Variants in GABRQ observed in about 807,000 individuals in gnomAD.
The protein encoded by GABRQ is gamma-aminobutyric acid type A receptor subunit theta, also known as gamma-aminobutyric acid receptor subunit theta.
In GABRQ, 19 loss-of-function variants were observed where a neutral mutation model predicts 30.5. That is an observed-to-expected ratio of 0.62 (90% CI 0.43 to 0.91). The LOEUF (loss-of-function observed/expected upper bound fraction) is 0.91, where lower values mean the gene tolerates loss of function less well. Among genes scored for constraint, GABRQ ranks in the 40% least tolerant of loss-of-function variants. GABRQ has a pLI of 0.00. For synonymous variants in GABRQ, 187 were observed against 210.2 expected (o/e 0.89, Z 0.95); for missense variants, 520 against 521.4 (o/e 1.00, Z 0.03).
At chrX:152,639,275 TA>T (rs374076439) in intron 1 of GABRQ, among the ~76,000 whole-genome samples, 2 of 75,787 alleles carry the variant, frequency 2.6e-5, no homozygotes, top group East Asian at 5.2e-4. Context: ...CATGTACTCA[TA>T]AAGGGGGGGG....
Position 152,655,146 on chromosome X carries a change from C to A in GABRQ, c.*1865C>A, listed in dbSNP as rs942643159. On this transcript the variant is annotated 3_prime_UTR_variant, in exon 9 of 9. Transcript: ENST00000598523. ...TTTGAATGGGTGTGAAAGGAAATAC[C>A]CCTGAAAGCATATGTATTCCCTGTT... The A allele has an allele frequency of 3.6e-5, 4 of 112,377 alleles. No individual in the cohort carries two copies. Among genetic ancestry groups the A allele is most frequent in the African/African-American group, 1.3e-4 (4 of 30,889 alleles). The allele number at this position is 112,377 out of a possible 1,213,427, so 9.3% of individuals were successfully genotyped here.
chrX:152,647,053 T>C lies in GABRQ; in HGVS notation c.412T>C (p.Leu138=). The C allele has an allele frequency of 1.7e-6, 2 of 1,206,090 alleles. No homozygotes were observed. The highest frequency in any genetic ancestry group is 2.2e-6 in the Non-Finnish European group (2 of 890,400). The change falls in exon 4 of 9, where the codon TTG becomes CTG. Residue 138 remains leucine, a synonymous_variant. Transcript: ENST00000598523. ...LTLDYRMHEK[L]WVPDCYFLNS... is the part of the protein sequence containing the mutation. The stretch of plus-strand genomic sequence containing the variant: ...CCTGGACTATCGGATGCATGAGAAG[T>C]TGTGGGTCCCTGACTGCTACTTTCT...
chrX:152,645,142 AACAC>A (rs1173871460), intron 2 of GABRQ, among the ~76,000 whole-genome samples: 3 of 111,873 alleles, frequency 2.7e-5, no homozygotes, highest in Admixed American at 9.4e-5. Context: ...TGCTCCCACA[AACAC>A]ACACATTCAC....
chrX:152,657,786 C>T (rs1438783352), downstream of GABRQ, among the ~76,000 whole-genome samples: 5 of 112,488 alleles, frequency 4.4e-5, no homozygotes, highest in African/African-American at 1.6e-4. Flanking sequence ...TAAAACAAAA[C>T]TTTTAAAACA....
At chrX:152,658,824 T>G (rs1556821441), downstream of GABRQ, among the ~76,000 whole-genome samples, 2 of 111,866 alleles carry the variant, frequency 1.8e-5, no homozygotes, top group South Asian at 7.7e-4. Context: ...CTCTTGTTAC[T>G]CTAGGTTGGT....
Position 152,657,018 on chromosome X carries a change from A to C in GABRQ, c.*3737A>C, listed in dbSNP as rs1967072657. ...TGAAATAGCCCAGTTGTTCAGGGTC[A>C]CTTCTATTGACTCAATTTGTGTGAG... On this transcript the variant is annotated 3_prime_UTR_variant, in exon 9 of 9. Coordinates refer to ENST00000598523, the MANE Select transcript of GABRQ (RefSeq NM_018558.4). 1 of 111,684 alleles carries C rather than the reference A, an allele frequency of 9.0e-6. No individual in the cohort carries two copies. Among genetic ancestry groups the C allele is most frequent in the Non-Finnish European group, 1.9e-5 (1 of 53,172 alleles). 9.2% of individuals were successfully genotyped at this position (111,684 alleles called of 1,213,427 possible).
intron 7 of GABRQ, 96 bp from the exon 8 acceptor site, chrX:152,651,430 C>A: frequency 1.4e-6 from 1 of 693,722 alleles, no homozygotes; most frequent in Non-Finnish European, 2.2e-6. Flanking sequence ...TTGCTGTGGG[C>A]CCTCCTCACC....
rs1162598067 is a variant in GABRQ at position 152,653,431 on chromosome X, G to A, written c.*150G>A. 3 of 449,426 alleles carry A rather than the reference G, an allele frequency of 6.7e-6. No homozygotes were observed. In the African/African-American group the frequency reaches 7.3e-5, roughly 11 times the overall value. The allele number at this position is 449,426 out of a possible 1,213,427, so 37.0% of individuals were successfully genotyped here. A position where few individuals can be genotyped will look rare whatever the true frequency, so the allele number is the denominator to read the frequency against. The stretch of plus-strand genomic sequence containing the variant: ...ATACTTCTCTTTATAAACATGAGGT[G>A]GGGAGTAATTGGAAAGAACATGTTC... On this transcript the variant is annotated 3_prime_UTR_variant, in exon 9 of 9. Transcript: ENST00000598523.
rs1556820609 is a variant in GABRQ at position 152,653,064 on chromosome X, A to T, written c.1682A>T (p.Asn561Ile). The stretch of plus-strand genomic sequence containing the variant: ...GATACTAACAGTACCTGGGGCCTTA[A>T]TGATGATGAGCTCATGGCCCATGGC... ...KCDTNSTWGL[N>I]DDELMAHGQE... The change falls in exon 9 of 9, where the codon AAT (asparagine) becomes ATT (isoleucine). Residue 561 changes from asparagine to isoleucine, a missense_variant. Asn to Ile is a moderately radical substitution (Grantham distance 149, BLOSUM62 -3). Coordinates refer to ENST00000598523, the MANE Select transcript of GABRQ (RefSeq NM_018558.4). 1 of 1,209,797 alleles carries T rather than the reference A, an allele frequency of 8.3e-7. No individual in the cohort carries two copies. The highest frequency in any genetic ancestry group is 1.1e-6 in the Non-Finnish European group (1 of 893,484).
At chrX:152,639,373 C>CGT (rs1569452047) in intron 1 of GABRQ, among the ~76,000 whole-genome samples, 2 of 100,601 alleles carry the variant, frequency 2.0e-5, no homozygotes, top group African/African-American at 3.9e-5. Context: ...CACACATGCG[C>CGT]GTGCGCACAC....
At position 152,657,039 on chromosome X, in the gene GABRQ, G is replaced by A. The variant is rs1488307310; in HGVS notation, c.*3758G>A. 3.6e-5 allele frequency: 4 copies of A among 111,932 alleles called. No individual in the cohort carries two copies. Among genetic ancestry groups the A allele is most frequent in the African/African-American group, 1.3e-4 (4 of 30,727 alleles). 9.2% of individuals were successfully genotyped at this position (111,932 alleles called of 1,213,427 possible). A position where few individuals can be genotyped will look rare whatever the true frequency, so the allele number is the denominator to read the frequency against. ...GGTCACTTCTATTGACTCAATTTGT[G>A]TGAGACTTTGCACTCACTATCTCGC... On this transcript the variant is annotated 3_prime_UTR_variant, in exon 9 of 9. Transcript: ENST00000598523.
chrX:152,653,572 A>G lies in GABRQ; in HGVS notation c.*291A>G. On this transcript the variant is annotated 3_prime_UTR_variant, in exon 9 of 9. Transcript: ENST00000598523. ...TTGTAACAAGGAATAAGCATAGAAA[A>G]GCCCCTGGAAATGTTTAGAGGACAG... The G allele has an allele frequency of 3.9e-6, 1 of 254,396 alleles. No homozygotes were observed. The highest frequency in any genetic ancestry group is 6.9e-6 in the Non-Finnish European group (1 of 144,020). 21.0% of individuals were successfully genotyped at this position (254,396 alleles called of 1,213,427 possible).
chrX:152,640,174 G>GC (rs1207075779), intron 1 of GABRQ, among the ~76,000 whole-genome samples: 4 of 110,680 alleles, frequency 3.6e-5, no homozygotes, highest in African/African-American at 6.6e-5. Context: ...GGAAGGTGGG[G>GC]GGGGGAGGAA....
downstream of GABRQ, chrX:152,657,654 C>G (rs1244656871): frequency 8.9e-6 from 1 of 112,315 alleles, no homozygotes; most frequent in Non-Finnish European, 1.9e-5. Flanking sequence ...CTTCCCACCG[C>G]TTTTCACATA....
intron 1 of GABRQ, among the ~76,000 whole-genome samples, chrX:152,639,584 G>C (rs1930703936): frequency 1.8e-5 from 2 of 111,945 alleles, no homozygotes; most frequent in Non-Finnish European, 3.8e-5. Flanking sequence ...TCTCCACAGA[G>C]CTGGGCTGAG....
At chrX:152,641,924 G>C (rs1203550707) in intron 2 of GABRQ, among the ~76,000 whole-genome samples, 1 of 111,778 alleles carries the variant, frequency 8.9e-6, no homozygotes, top group Non-Finnish European at 1.9e-5. Context: ...AACCATTTGA[G>C]TACACCAATC....
At position 152,646,983 on chromosome X, in the gene GABRQ, G is replaced by A. The variant is rs1556819311; in HGVS notation, c.342G>A (p.Trp114Ter). The A allele has an allele frequency of 8.3e-7, 1 of 1,205,639 alleles. No individual in the cohort carries two copies. The highest frequency in any genetic ancestry group is 1.8e-5 in the African/African-American group (1 of 57,023). The change falls in exon 4 of 9, where the codon TGG (tryptophan) becomes TGA (stop). Residue 114 changes from tryptophan to a stop codon, truncating the protein, a stop_gained. Transcript: ENST00000598523. LOFTEE classifies it high-confidence loss of function. ...YTITMFFHQT[W>*]KDSRLAYYET... ...TCACGATGTTTTTTCATCAGACTTG[G>A]AAAGATTCACGCTTAGCATACTATG...
intron 3 of GABRQ, among the ~76,000 whole-genome samples, chrX:152,646,503 A>AT (rs1235808591): frequency 1.8e-5 from 2 of 112,723 alleles, no homozygotes; most frequent in African/African-American, 6.5e-5. Context: ...TCTCACAAAG[A>AT]TAATGTTGAG....
intron 4 of GABRQ, 47 bp from the exon 5 acceptor site, chrX:152,649,204 G>T (rs1379188475): frequency 1.2e-6 from 1 of 846,505 alleles, no homozygotes; most frequent in Non-Finnish European, 1.8e-6. Context: ...ATGGTTGTTT[G>T]CCTAGGCTTC....
Sources: gnomAD v4.1 joint callset for allele counts (sites outside exome capture counted in the v4.1 genomes callset) on GRCh38, gnomAD v4.1.1 for gene constraint, MANE v1.5 for transcripts, NCBI Gene and HGNC (gene_info 2026-07-23, HGNC 2026-07-21) for gene names.